Variants in ANKAR observed in about 807,000 individuals in gnomAD.
ANKAR encodes ankyrin and armadillo repeat containing.
Under a neutral mutation model 146.2 loss-of-function variants are expected in ANKAR, and 136 were observed. That is an observed-to-expected ratio of 0.93 (90% CI 0.81 to 1.07). The LOEUF (loss-of-function observed/expected upper bound fraction) is 1.07, where lower values mean the gene tolerates loss of function less well. ANKAR is among the 50% of genes least tolerant of loss of function. The pLI is 0.00. For missense variants in ANKAR, 1,567 were observed against 1,679.9 expected (o/e 0.93, Z 1.18); for synonymous variants, 500 against 575.8 (o/e 0.87, Z 1.88).
intron 9 of ANKAR, among the ~76,000 whole-genome samples, chr2:189,708,700 G>T (rs994730563): frequency 2.0e-5 from 3 of 152,180 alleles, no homozygotes; most frequent in Admixed American, 2.0e-4. Context: ...ACTTACAATG[G>T]GTTTATCAGG....
At chr2:189,717,056 A>G (rs1160811507) in intron 10 of ANKAR, among the ~76,000 whole-genome samples, 1 of 152,146 alleles carries the variant, frequency 6.6e-6, no homozygotes, top group Non-Finnish European at 1.5e-5. Context: ...TAAAACACCA[A>G]AAGCAATGGC....
chr2:189,701,308 C>T (rs2038021911), intron 7 of ANKAR, among the ~76,000 whole-genome samples: 1 of 152,110 alleles, frequency 6.6e-6, no homozygotes, highest in South Asian at 2.1e-4. Context: ...TCTTAGCTTA[C>T]TCCAGCTTCT....
chr2:189,746,859 A>C, downstream of ANKAR: 1 of 354,306 alleles, frequency 2.8e-6, no homozygotes. Flanking sequence ...TAAACCTTAA[A>C]ATTTATTGAC....
chr2:189,695,172 G>A lies in ANKAR; in HGVS notation c.1488+11G>A. ...GCTATGAAATGCAAGGTATTTCAGT[G>A]ACTACCACATAATTTAGTATATGAA... On this transcript the variant is annotated intron_variant, in intron 6 of 22. Coordinates refer to ENST00000684021, the MANE Select transcript of ANKAR (RefSeq NM_001378068.1). 1 of 1,583,948 alleles carries A rather than the reference G, an allele frequency of 6.3e-7. No individual in the cohort carries two copies. Among genetic ancestry groups the A allele is most frequent in the Non-Finnish European group, 8.6e-7 (1 of 1,165,778 alleles).
rs187576801 is a variant in ANKAR at position 189,694,231 on chromosome 2, A to C, written c.1308-750A>C. 6.6e-5 allele frequency among the ~76,000 whole-genome samples: 10 copies of C among 152,218 alleles called. 1 individual carries two copies. In the East Asian group the frequency reaches 1.6e-3, roughly 24 times the overall value. Reference sequence around the variant, plus strand: ...GGCAACAGAGTAAGACCTTGTCTCAAGAAAAAAGAATACTGTATTTACAGC... The same window carrying C: ...GGCAACAGAGTAAGACCTTGTCTCACGAAAAAAGAATACTGTATTTACAGC... On this transcript the variant is annotated intron_variant, in intron 5 of 22. Transcript: ENST00000684021.
At chr2:189,683,037 C>T (rs191806891) in intron 2 of ANKAR, among the ~76,000 whole-genome samples, 70 of 152,222 alleles carry the variant, frequency 4.6e-4, no homozygotes, top group Admixed American at 7.9e-4. Context: ...GGGATTAATG[C>T]CCTTATAAAA....
chr2:189,679,011 T>G (rs1287121915), intron 2 of ANKAR, among the ~76,000 whole-genome samples: 3 of 152,202 alleles, frequency 2.0e-5, no homozygotes, highest in Non-Finnish European at 2.9e-5. Flanking sequence ...AGATTGCTTT[T>G]GGCAGTATGG....
chr2:189,692,577 A>C (rs2036585227), intron 4 of ANKAR, 159 bp downstream of exon 4: 6 of 613,902 alleles, frequency 9.8e-6, no homozygotes, highest in African/African-American at 1.9e-5. Context: ...AACATCAATG[A>C]ATTAAGTGCA....
chr2:189,711,209 A>T, intron 10 of ANKAR, 56 bp downstream of exon 10: 1 of 1,262,838 alleles, frequency 7.9e-7, no homozygotes, highest in Admixed American at 2.4e-5. Flanking sequence ...GCTATATTTT[A>T]TTCATCAGTC....
intron 2 of ANKAR, among the ~76,000 whole-genome samples, chr2:189,680,851 A>G (rs778607084): frequency 3.3e-5 from 5 of 152,166 alleles, no homozygotes; most frequent in Non-Finnish European, 7.3e-5. Flanking sequence ...GTGACCTATC[A>G]TATGATCTAT....
Position 189,692,418 on chromosome 2 carries a change from G to A in ANKAR, c.1203G>A (p.Gln401=). ...TTGAGAATGCCTTGGAAGATTTTCA[G>A]GTTTAAATGATCATTCCTTAGACAA... ...PSIENALEDF[Q]KNLEKIRDCA... The change falls in exon 4 of 23, where the codon CAG becomes CAA. Residue 401 remains glutamine, a splice_region_variant and synonymous_variant. Transcript: ENST00000684021. The A allele has an allele frequency of 3.7e-6, 6 of 1,602,556 alleles. No homozygotes were observed. Among genetic ancestry groups the A allele is most frequent in the Non-Finnish European group, 5.1e-6 (6 of 1,176,314 alleles).
chr2:189,680,697 C>T (rs1461380475), intron 2 of ANKAR, among the ~76,000 whole-genome samples: 1 of 152,064 alleles, frequency 6.6e-6, no homozygotes, highest in Non-Finnish European at 1.5e-5. Context: ...ACCCAAAGAT[C>T]ATTCTGGAGC....
At chr2:189,730,415 C>A (rs1259335996) in intron 15 of ANKAR, 80 bp from the exon 16 acceptor site, 14 of 823,454 alleles carry the variant, frequency 1.7e-5, no homozygotes, top group Non-Finnish European at 2.0e-5. Flanking sequence ...GCTTTGTCAA[C>A]CCAAAATATC....
At chr2:189,754,860 C>A (rs2045855859) in intron 18 of ANKAR, 2 of 324,918 alleles carry the variant, frequency 6.2e-6, no homozygotes, top group Non-Finnish European at 5.6e-6. Flanking sequence ...TCTTATTTTA[C>A]CTTTTTTGCA....
downstream of ANKAR, among the ~76,000 whole-genome samples, chr2:189,749,624 T>A (rs1329320565): frequency 2.0e-5 from 3 of 152,026 alleles, no homozygotes; most frequent in Non-Finnish European, 4.4e-5. Context: ...TGTGAAAGTA[T>A]GTGGACAACT....
chr2:189,692,504 G>T, intron 4 of ANKAR, 86 bp downstream of exon 4: 1 of 1,190,202 alleles, frequency 8.4e-7, no homozygotes. Context: ...TGTTGGTACA[G>T]GCACTCGACA....
chr2:189,707,452 CAAAAAAAAAAAAAAA>C (rs67227035), intron 9 of ANKAR, among the ~76,000 whole-genome samples: 1 of 72,928 alleles, frequency 1.4e-5, no homozygotes, highest in Admixed American at 1.9e-4. Context: ...TCTCCTTCAT[CAAAAAAAAAAAAAAA>C]AAAAAAAAGG....
chr2:189,716,978 A>C (rs1204741854), intron 10 of ANKAR, among the ~76,000 whole-genome samples: 13 of 152,206 alleles, frequency 8.5e-5, no homozygotes, highest in African/African-American at 2.4e-4. Context: ...ACCTGAAACC[A>C]TAAAAACCCT....
chr2:189,741,203 C>T lies in ANKAR; in HGVS notation c.3701-139C>T, dbSNP rs2043301128. 5 of 477,120 alleles carry T rather than the reference C, an allele frequency of 1.0e-5. No homozygotes were observed. The Admixed American group carries it at 1.6e-4, about 15-fold the overall frequency. 29.6% of individuals were successfully genotyped at this position (477,120 alleles called of 1,614,324 possible). A position where few individuals can be genotyped will look rare whatever the true frequency, so the allele number is the denominator to read the frequency against. ...GGAGTTTATTCTATATTTACATATGCATGCTTTTTCTCAGTGCTGCTTCAT... is the reference window on the plus strand; with the variant it reads ...GGAGTTTATTCTATATTTACATATGTATGCTTTTTCTCAGTGCTGCTTCAT... On this transcript the variant is annotated intron_variant, in intron 19 of 22. Coordinates refer to ENST00000684021, the MANE Select transcript of ANKAR (RefSeq NM_001378068.1).
Sources: allele counts gnomAD v4.1 joint callset (sites outside exome capture counted in the v4.1 genomes callset), GRCh38; gene constraint gnomAD v4.1.1; transcripts MANE v1.5; gene names NCBI Gene and HGNC (gene_info 2026-07-23, HGNC 2026-07-21).